Variants in MACROD2 observed in about 807,000 individuals in gnomAD.
The protein encoded by MACROD2 is ADP-ribose glycohydrolase MACROD2.
A neutral mutation model predicts 70.4 loss-of-function variants in MACROD2; 36 were observed. That is an observed-to-expected ratio of 0.51 (90% confidence interval 0.39 to 0.68). The LOEUF (loss-of-function observed/expected upper bound fraction) is 0.68, where lower values mean the gene tolerates loss of function less well. MACROD2 is among the 30% of genes least tolerant of loss of function. The pLI, the probability that MACROD2 is intolerant of heterozygous loss-of-function variation, is 0.00. For missense variants in MACROD2, 496 were observed against 538.4 expected, an observed-to-expected ratio of 0.92 and a Z score of 0.78; for synonymous variants, 172 against 178.8, an observed-to-expected ratio of 0.96 and a Z score of 0.30.
chr20:15,769,474 A>T (rs970464387), intron 8 of MACROD2, among the ~76,000 whole-genome samples: 2 of 152,196 alleles, frequency 1.3e-5, no homozygotes, highest in Admixed American at 6.5e-5. Flanking sequence ...ATTAACTATT[A>T]TGTATGTATA....
At chr20:14,043,407 G>T (rs899958825) in intron 2 of MACROD2, among the ~76,000 whole-genome samples, 2 of 152,170 alleles carry the variant, frequency 1.3e-5, no homozygotes, top group Admixed American at 1.3e-4. Context: ...GTATAGGAAG[G>T]GGCATAGAGC....
At chr20:15,889,688 C>A (rs1031706878) in intron 10 of MACROD2, among the ~76,000 whole-genome samples, 1 of 152,138 alleles carries the variant, frequency 6.6e-6, no homozygotes, top group African/African-American at 2.4e-5. Context: ...TTCCCATGTC[C>A]TTTCATTTCC....
chr20:14,177,551 G>A lies in MACROD2; in HGVS notation c.271+91823G>A, dbSNP rs183593967. ...GGCTGGTCTCGAACCTCCAACCTCA[G>A]GTGATCTGCCCGCCTCGGCCTCCCA... On this transcript the variant is annotated intron_variant, in intron 3 of 17. Coordinates refer to ENST00000684519, the MANE Select transcript of MACROD2 (RefSeq NM_001351661.2). Among the ~76,000 whole-genome samples the A allele has an allele frequency of 3.4e-3, 513 of 152,136 alleles. 9 individuals carry two copies. The highest frequency in any genetic ancestry group is 0.03 in the Admixed American group (456 of 15,272).
chr20:15,369,192 T>G (rs13038873), intron 6 of MACROD2, among the ~76,000 whole-genome samples: 15,278 of 152,212 alleles, frequency 0.1, 957 homozygotes, highest in African/African-American at 0.17. Context: ...GGACTAAATA[T>G]TTATTATCTT....
chr20:15,210,298 C>G (rs937074766), intron 5 of MACROD2, among the ~76,000 whole-genome samples: 1 of 152,196 alleles, frequency 6.6e-6, no homozygotes, highest in East Asian at 1.9e-4. Context: ...CAGTGGGACT[C>G]CAGTGGCAAA....
intron 2 of MACROD2, among the ~76,000 whole-genome samples, chr20:14,022,547 C>T (rs1419251196): frequency 1.3e-5 from 2 of 151,698 alleles, no homozygotes; most frequent in African/African-American, 2.4e-5. Context: ...ACCCATCAAC[C>T]CGTCATCTAC....
At chr20:15,208,151 A>G (rs2076728148) in intron 5 of MACROD2, among the ~76,000 whole-genome samples, 1 of 151,670 alleles carries the variant, frequency 6.6e-6, no homozygotes, top group Admixed American at 6.6e-5. Context: ...AATAATTTCT[A>G]TTGTCCTGTC....
At chr20:14,794,781 C>A (rs760032644) in intron 5 of MACROD2, among the ~76,000 whole-genome samples, 2 of 151,990 alleles carry the variant, frequency 1.3e-5, no homozygotes, top group Non-Finnish European at 2.9e-5. Context: ...TTAACAAGAC[C>A]GCCAAGGTCT....
chr20:14,416,041 C>T (rs192555320), intron 3 of MACROD2, among the ~76,000 whole-genome samples: 1 of 151,852 alleles, frequency 6.6e-6, no homozygotes, highest in Non-Finnish European at 1.5e-5. Context: ...TCACTGCAAC[C>T]TCCGACTCCC....
intron 5 of MACROD2, among the ~76,000 whole-genome samples, chr20:14,887,228 A>G (rs1010298102): frequency 1.1e-4 from 17 of 152,062 alleles, no homozygotes; most frequent in Non-Finnish European, 2.2e-4. Flanking sequence ...AATGCTAGGG[A>G]TGGAGATGTC....
chr20:14,287,706 C>T (rs1897818229), intron 3 of MACROD2, among the ~76,000 whole-genome samples: 1 of 152,180 alleles, frequency 6.6e-6, no homozygotes, highest in South Asian at 2.1e-4. Context: ...GCTAGATTCT[C>T]ATTTACAGGC....
At chr20:16,019,985 GT>G (rs2066980135) in intron 15 of MACROD2, among the ~76,000 whole-genome samples, 1 of 152,174 alleles carries the variant, frequency 6.6e-6, no homozygotes, top group Admixed American at 6.5e-5. Context: ...GCCCAGCTCT[GT>G]GCCCAGGAAG....
At chr20:15,224,093 A>G (rs184701444) in intron 5 of MACROD2, among the ~76,000 whole-genome samples, 265 of 152,304 alleles carry the variant, frequency 1.7e-3, no homozygotes, top group South Asian at 0.017. Context: ...TGGCTCCCAC[A>G]GTCCTCCACT....
chr20:15,118,779 T>C (rs534476580), intron 5 of MACROD2, among the ~76,000 whole-genome samples: 7 of 152,308 alleles, frequency 4.6e-5, no homozygotes, highest in African/African-American at 1.2e-4. Context: ...CTTGACAAAA[T>C]TTACTTTTTT....
intron 2 of MACROD2, among the ~76,000 whole-genome samples, chr20:14,073,292 T>A (rs1448052327): frequency 2.6e-5 from 4 of 151,452 alleles, no homozygotes; most frequent in Non-Finnish European, 2.9e-5. Context: ...GCCAAGATCA[T>A]GCCATCACAC....
intron 10 of MACROD2, among the ~76,000 whole-genome samples, chr20:15,888,684 C>T (rs1224286444): frequency 6.6e-6 from 1 of 152,118 alleles, no homozygotes; most frequent in Non-Finnish European, 1.5e-5. Flanking sequence ...TTGTCACCAG[C>T]AGCTGCATGC....
chr20:14,695,761 C>T (rs552619838), intron 5 of MACROD2, among the ~76,000 whole-genome samples: 1 of 152,238 alleles, frequency 6.6e-6, no homozygotes, highest in Non-Finnish European at 1.5e-5. Context: ...TCAAGCTTTC[C>T]GATGTCTGCA....
rs182930525 is a variant in MACROD2, at chr20:15,980,521, G to A, written c.986-6206G>A. ...TTTTTTATCATTTAAAGAAGCACAG[G>A]TAGCAAACAAGGGAGCAGTAAGCAG... is the stretch of plus-strand genomic sequence containing the variant. On this transcript the variant is annotated intron_variant, in intron 13 of 17. Coordinates refer to ENST00000684519, the MANE Select transcript of MACROD2 (RefSeq NM_001351661.2). 2.0e-5 allele frequency among the ~76,000 whole-genome samples: 3 copies of A among 152,240 alleles called. No individual in the cohort carries two copies. The East Asian group carries it at 5.8e-4, about 29-fold the overall frequency.
intron 3 of MACROD2, among the ~76,000 whole-genome samples, chr20:14,231,812 A>G (rs1601380197): frequency 6.6e-6 from 1 of 152,068 alleles, no homozygotes; most frequent in Admixed American, 6.5e-5. Context: ...TTGTTTCCTG[A>G]CTTTTTAATG....
Sources: gnomAD v4.1 joint callset for allele counts (sites outside exome capture counted in the v4.1 genomes callset) on GRCh38, gnomAD v4.1.1 for gene constraint, MANE v1.5 for transcripts, NCBI Gene and HGNC (gene_info 2026-07-23, HGNC 2026-07-21) for gene names.